PLCL2: variants seen among roughly 807,000 people sequenced by gnomAD.
The protein encoded by PLCL2 is inactive phospholipase C-like protein 2.
PLCL2 carries 4 observed loss-of-function variants against 79.6 expected under a neutral mutation model. The observed-to-expected ratio is 0.05, with a 90% CI of 0.02 to 0.11. The LOEUF is 0.11. Ranked by LOEUF, PLCL2 falls within the 10% of genes least tolerant of loss-of-function variation. The pLI is 1.00. For synonymous variants in PLCL2, 484 were observed against 457.7 expected, an observed-to-expected ratio of 1.06 and a Z score of -0.73; for missense variants, 895 against 1,291.0, an observed-to-expected ratio of 0.69 and a Z score of 4.70.
intron 4 of PLCL2, 140 bp from the exon 5 acceptor site, chr3:17,067,816 A>G: frequency 1.9e-6 from 1 of 530,538 alleles, no homozygotes; most frequent in Non-Finnish European, 3.3e-6. Flanking sequence ...CCCCATTATT[A>G]CATTCTTAAA....
intron 3 of PLCL2, among the ~76,000 whole-genome samples, chr3:17,022,944 A>G (rs958250940): frequency 6.6e-6 from 1 of 152,210 alleles, no homozygotes; most frequent in Non-Finnish European, 1.5e-5. Context: ...TAAGCTCTTT[A>G]GGTAAAATGC....
intron 3 of PLCL2, among the ~76,000 whole-genome samples, chr3:17,038,084 T>C (rs1044270732): frequency 5.3e-5 from 8 of 152,204 alleles, no homozygotes; most frequent in Non-Finnish European, 8.8e-5. Flanking sequence ...ACTTTGCCTT[T>C]AGTTAAAATT....
intron 1 of PLCL2, among the ~76,000 whole-genome samples, chr3:16,954,867 T>C (rs2063689097): frequency 6.6e-6 from 1 of 152,206 alleles, no homozygotes. Context: ...CACTTTTTGA[T>C]GGGGTTGTTT....
intron 1 of PLCL2, among the ~76,000 whole-genome samples, chr3:16,969,879 T>A (rs1388938665): frequency 6.6e-6 from 1 of 151,894 alleles, no homozygotes; most frequent in African/African-American, 2.4e-5. Context: ...CGTTTATCTG[T>A]GTCCCAGAGA....
intron 1 of PLCL2, among the ~76,000 whole-genome samples, chr3:16,959,006 T>C (rs1221182316): frequency 6.6e-6 from 1 of 152,218 alleles, no homozygotes; most frequent in Non-Finnish European, 1.5e-5. Context: ...CTTGGATTTA[T>C]ATTATCCTTC....
intron 1 of PLCL2, among the ~76,000 whole-genome samples, chr3:16,897,657 C>T (rs942226044): frequency 6.6e-6 from 1 of 152,170 alleles, no homozygotes; most frequent in East Asian, 1.9e-4. Flanking sequence ...GTGATTTATG[C>T]GGGGAGGATG....
chr3:17,036,046 C>G (rs1387327235), intron 3 of PLCL2, among the ~76,000 whole-genome samples: 1 of 152,104 alleles, frequency 6.6e-6, no homozygotes, highest in Non-Finnish European at 1.5e-5. Context: ...GGACAAGTTA[C>G]TCTGGAAACG....
chr3:17,083,234 C>T (rs918153094), intron 5 of PLCL2, among the ~76,000 whole-genome samples: 5 of 152,040 alleles, frequency 3.3e-5, no homozygotes, highest in South Asian at 4.2e-4. Flanking sequence ...TCAGGGAAGG[C>T]GCTGCTGTGA....
chr3:17,019,510 A>G lies in PLCL2; in HGVS notation c.3018+4599A>G, dbSNP rs182295478. 6.8e-4 allele frequency among the ~76,000 whole-genome samples: 104 copies of G among 152,306 alleles called. 2 individuals carry two copies. Among genetic ancestry groups the G allele is most frequent in the Admixed American group, 5.2e-3 (79 of 15,292 alleles). On this transcript the variant is annotated intron_variant, in intron 3 of 5. Coordinates refer to ENST00000615277, the MANE Select transcript of PLCL2 (RefSeq NM_001144382.2). Reference sequence around the variant, plus strand: ...AATCCAGATCAGAAAAATTAACTGTATAGAATGTGTAGATGAATGATCAAT... The same window carrying G: ...AATCCAGATCAGAAAAATTAACTGTGTAGAATGTGTAGATGAATGATCAAT...
At chr3:16,898,257 T>A (rs1696531201) in intron 1 of PLCL2, among the ~76,000 whole-genome samples, 1 of 152,168 alleles carries the variant, frequency 6.6e-6, no homozygotes, top group Non-Finnish European at 1.5e-5. Context: ...ATGGGAGGTG[T>A]AGTAGAAATG....
At chr3:16,949,984 G>T (rs1465501199) in intron 1 of PLCL2, among the ~76,000 whole-genome samples, 1 of 152,124 alleles carries the variant, frequency 6.6e-6, no homozygotes, top group Non-Finnish European at 1.5e-5. Context: ...TCTGGAATAT[G>T]CATTTTGTTC....
chr3:16,994,890 T>TGAG (rs1208089374), intron 1 of PLCL2, among the ~76,000 whole-genome samples: 27 of 152,228 alleles, frequency 1.8e-4, no homozygotes, highest in African/African-American at 6.3e-4. Context: ...TTGTGGGCTA[T>TGAG]ACAGGCATCG....
intron 1 of PLCL2, among the ~76,000 whole-genome samples, chr3:16,965,877 C>G (rs1412243603): frequency 6.6e-6 from 1 of 152,000 alleles, no homozygotes; most frequent in African/African-American, 2.4e-5. Context: ...ATTTTGTATC[C>G]TGAGACTTTG....
At chr3:16,999,700 A>G (rs143020247) in intron 1 of PLCL2, among the ~76,000 whole-genome samples, 102 of 152,330 alleles carry the variant, frequency 6.7e-4, no homozygotes, top group African/African-American at 2.2e-3. Flanking sequence ...TTGATAAACT[A>G]TTGAATTATT....
intron 1 of PLCL2, among the ~76,000 whole-genome samples, chr3:16,987,049 TGTCAG>T (rs2064057290): frequency 6.6e-6 from 1 of 150,852 alleles, no homozygotes; most frequent in Admixed American, 6.6e-5. Flanking sequence ...ACCCCATAAA[TGTCAG>T]ACTTTTTTTT....
intron 1 of PLCL2, among the ~76,000 whole-genome samples, chr3:16,979,885 A>G (rs2063964847): frequency 6.6e-6 from 1 of 150,380 alleles, no homozygotes; most frequent in African/African-American, 2.5e-5. Context: ...GGCCGGGCAG[A>G]GGGGCTCCTC....
At chr3:16,977,499 A>T (rs941003724) in intron 1 of PLCL2, among the ~76,000 whole-genome samples, 5 of 152,224 alleles carry the variant, frequency 3.3e-5, no homozygotes, top group Admixed American at 3.3e-4. Context: ...CTATTATTCC[A>T]TGGAGGAGCT....
chr3:17,003,670 T>C (rs148058276), intron 1 of PLCL2, among the ~76,000 whole-genome samples: 5 of 152,322 alleles, frequency 3.3e-5, no homozygotes, highest in African/African-American at 4.8e-5. Context: ...CTGCTCCCTG[T>C]GGCAGCCAAA....
At chr3:16,971,806 A>T (rs2063871447) in intron 1 of PLCL2, among the ~76,000 whole-genome samples, 1 of 152,008 alleles carries the variant, frequency 6.6e-6, no homozygotes, top group Admixed American at 6.6e-5. Flanking sequence ...ATTCTCTTTG[A>T]AGCAATTGTG....
Sources: allele counts gnomAD v4.1 joint callset (sites outside exome capture counted in the v4.1 genomes callset), GRCh38; gene constraint gnomAD v4.1.1; transcripts MANE v1.5; gene names NCBI Gene and HGNC (gene_info 2026-07-23, HGNC 2026-07-21).